Variants in REL observed in about 807,000 individuals in gnomAD.
The protein encoded by REL is REL proto-oncogene, NF-kB subunit.
In REL, 15 loss-of-function variants were observed where a neutral mutation model predicts 45.9. The observed-to-expected ratio is 0.33, with a 90% CI of 0.22 to 0.50. The LOEUF (loss-of-function observed/expected upper bound fraction) is 0.50, where lower values mean the gene tolerates loss of function less well. Among genes scored for constraint, REL ranks in the 20% least tolerant of loss-of-function variants. The probability of loss-of-function intolerance (pLI) is 0.98; values close to 1 mark genes in which losing one functional copy is unlikely to be tolerated. For missense variants in REL, 601 were observed against 715.2 expected, an observed-to-expected ratio of 0.84 and a Z score of 1.82; for synonymous variants, 239 against 242.1, an observed-to-expected ratio of 0.99 and a Z score of 0.12.
chr2:60,931,122 G>A lies in REL; in HGVS notation c.*8587G>A, dbSNP rs1399546750. ...CCATTTGTGGAACTGAATTTAATGA[G>A]ACTTCATTGGTGATACACTCAATTT... On this transcript the variant is annotated 3_prime_UTR_variant, in exon 10 of 10. Transcript: ENST00000394479. The A allele has an allele frequency of 6.6e-6, 1 of 152,264 alleles. No homozygotes were observed. The highest frequency in any genetic ancestry group is 1.5e-5 in the Non-Finnish European group (1 of 68,034). The allele number at this position is 152,264 out of a possible 1,614,324, so 9.4% of individuals were successfully genotyped here. A position where few individuals can be genotyped will look rare whatever the true frequency, so the allele number is the denominator to read the frequency against.
chr2:60,904,401 C>G (rs967438456), intron 4 of REL, among the ~76,000 whole-genome samples: 1 of 138,564 alleles, frequency 7.2e-6, no homozygotes, highest in Non-Finnish European at 1.6e-5. Flanking sequence ...GACTCTGTCT[C>G]AATTAAAAAA....
chr2:60,903,375 A>G (rs1197106705), intron 4 of REL, among the ~76,000 whole-genome samples: 1 of 152,092 alleles, frequency 6.6e-6, no homozygotes, highest in Non-Finnish European at 1.5e-5. Context: ...TCTTTTTCTT[A>G]GTTTTGGCAG....
chr2:60,884,599 A>G (rs1023426768), intron 1 of REL, among the ~76,000 whole-genome samples: 2 of 152,116 alleles, frequency 1.3e-5, no homozygotes, highest in African/African-American at 4.8e-5. Context: ...TAGATATTTT[A>G]TGTCTGAATT....
chr2:60,894,659 A>C, intron 3 of REL, 114 bp downstream of exon 3: 1 of 767,034 alleles, frequency 1.3e-6, no homozygotes, highest in Non-Finnish European at 1.9e-6. Context: ...TTCTACTTCT[A>C]TTTACTGTAT....
intron 4 of REL, among the ~76,000 whole-genome samples, chr2:60,903,365 T>G (rs1436879298): frequency 6.6e-6 from 1 of 152,162 alleles, no homozygotes; most frequent in Non-Finnish European, 1.5e-5. Flanking sequence ...CTGTGGAATT[T>G]CTTTTTCTTA....
intron 1 of REL, among the ~76,000 whole-genome samples, chr2:60,885,660 T>C (rs1466749303): frequency 6.6e-6 from 1 of 152,218 alleles, no homozygotes; most frequent in African/African-American, 2.4e-5. Context: ...AAAAAAATAA[T>C]AGATCTTATT....
intron 1 of REL, among the ~76,000 whole-genome samples, chr2:60,888,318 C>T (rs1673120654): frequency 6.6e-6 from 1 of 152,106 alleles, no homozygotes; most frequent in African/African-American, 2.4e-5. Flanking sequence ...TTAACGATGT[C>T]ATTTTATATC....
chr2:60,892,724 C>G (rs1673247314), intron 2 of REL, among the ~76,000 whole-genome samples: 1 of 151,834 alleles, frequency 6.6e-6, no homozygotes, highest in Admixed American at 6.6e-5. Flanking sequence ...GCCACTGCGT[C>G]CAGCCAAGAT....
intron 4 of REL, among the ~76,000 whole-genome samples, chr2:60,907,983 C>A (rs562105231): frequency 6.6e-6 from 1 of 151,982 alleles, no homozygotes; most frequent in Non-Finnish European, 1.5e-5. Context: ...TGAGCCACCA[C>A]GCCCCGCCTT....
chr2:60,896,495 A>T (rs953354221), intron 3 of REL, among the ~76,000 whole-genome samples: 2 of 152,144 alleles, frequency 1.3e-5, no homozygotes, highest in African/African-American at 4.8e-5. Flanking sequence ...TGTAATGAAC[A>T]TGTATTGGCT....
chr2:60,922,864 T>C lies in REL; in HGVS notation c.*329T>C, dbSNP rs1324567821. 1.0e-5 allele frequency: 3 copies of C among 290,510 alleles called. No individual in the cohort carries two copies. The highest frequency in any genetic ancestry group is 1.1e-5 in the Non-Finnish European group (2 of 188,234). 18.0% of individuals were successfully genotyped at this position (290,510 alleles called of 1,614,324 possible). ...TTCGAGACCAGCCTGGCCAACATGG[T>C]GAAACCCCGTCTCTACTAAAAATAC... On this transcript the variant is annotated 3_prime_UTR_variant, in exon 10 of 10. Transcript: ENST00000394479.
At chr2:60,890,648 A>G (rs919335845) in intron 1 of REL, among the ~76,000 whole-genome samples, 1 of 152,232 alleles carries the variant, frequency 6.6e-6, no homozygotes, top group African/African-American at 2.4e-5. Context: ...TAATAAAAGT[A>G]AAGTTGCATA....
Position 60,928,634 on chromosome 2 carries a change from A to C in REL, c.*6099A>C. 7.8e-6 allele frequency: 1 copy of C among 128,190 alleles called. No individual in the cohort carries two copies. Among genetic ancestry groups the C allele is most frequent in the Non-Finnish European group, 1.7e-5 (1 of 59,832 alleles). The allele number at this position is 128,190 out of a possible 1,614,324, so 7.9% of individuals were successfully genotyped here. A position where few individuals can be genotyped will look rare whatever the true frequency, so the allele number is the denominator to read the frequency against. On this transcript the variant is annotated 3_prime_UTR_variant, in exon 10 of 10. Transcript: ENST00000394479. Reference sequence around the variant, plus strand: ...CTGGCTAGCCATATGTAGAAAGCTGAAACTGGATCCCTTCCTTACACCTTA... The same window carrying C: ...CTGGCTAGCCATATGTAGAAAGCTGCAACTGGATCCCTTCCTTACACCTTA...
At chr2:60,915,859 T>G (rs1178600975) in intron 4 of REL, among the ~76,000 whole-genome samples, 1 of 152,224 alleles carries the variant, frequency 6.6e-6, no homozygotes, top group Non-Finnish European at 1.5e-5. Context: ...AATTTTTAAT[T>G]AAAACATTTT....
Position 60,918,586 on chromosome 2 carries a change from G to A in REL, c.833G>A (p.Arg278Lys), listed in dbSNP as rs766053281. ...DQEVSESMDF[R>K]YLPDEKDTYG... The stretch of plus-strand genomic sequence containing the variant: ...GAAGTTAGTGAATCTATGGATTTTA[G>A]ATATCTGCCAGATGAAAAAGGTATG... The change falls in exon 7 of 10, where the codon AGA (arginine) becomes AAA (lysine). Residue 278 changes from arginine (R) to lysine (K), a missense_variant. Coordinates refer to ENST00000394479, the MANE Select transcript of REL (RefSeq NM_001291746.2). The A allele has an allele frequency of 1.2e-6, 2 of 1,613,132 alleles. No individual in the cohort carries two copies. Among genetic ancestry groups the A allele is most frequent in the Non-Finnish European group, 1.7e-6 (2 of 1,179,148 alleles).
rs1197388454 is a variant in REL, at chr2:60,931,354, G to A, written c.*8819G>A. 6.6e-6 allele frequency: 1 copy of A among 152,296 alleles called. No individual in the cohort carries two copies. The highest frequency in any genetic ancestry group is 2.4e-5 in the African/African-American group (1 of 41,454). 9.4% of individuals were successfully genotyped at this position (152,296 alleles called of 1,614,324 possible). A position where few individuals can be genotyped will look rare whatever the true frequency, so the allele number is the denominator to read the frequency against. ...GCTGTGATGAATGTAGATCCCAGCAGAATACCAAAATCCTATTTTTTTTGA... is the reference window on the plus strand; with the variant it reads ...GCTGTGATGAATGTAGATCCCAGCAAAATACCAAAATCCTATTTTTTTTGA... On this transcript the variant is annotated 3_prime_UTR_variant, in exon 10 of 10. Transcript: ENST00000394479.
rs528603819 is a variant in REL at position 60,881,582 on chromosome 2, C to G, written c.-259C>G. 4.1e-6 allele frequency: 2 copies of G among 489,766 alleles called. No individual in the cohort carries two copies. The highest frequency in any genetic ancestry group is 7.3e-6 in the Non-Finnish European group (2 of 275,248). 30.3% of individuals were successfully genotyped at this position (489,766 alleles called of 1,614,324 possible). A position where few individuals can be genotyped will look rare whatever the true frequency, so the allele number is the denominator to read the frequency against. On this transcript the variant is annotated 5_prime_UTR_variant, in exon 1 of 10. Coordinates refer to ENST00000394479, the MANE Select transcript of REL (RefSeq NM_001291746.2). ...CTCTCGGCTGGGCCAGCACTCGGCT[C>G]TCCCCGCTCCGCCCCCTGCCCCTGG...
At chr2:60,920,250 G>A in intron 8 of REL, 141 bp downstream of exon 8, 2 of 703,160 alleles carry the variant, frequency 2.8e-6, no homozygotes, top group South Asian at 1.9e-5. Flanking sequence ...CACCCAGGCT[G>A]GAGTGCAGTA....
chr2:60,904,784 G>T (rs1253942697), intron 4 of REL, among the ~76,000 whole-genome samples: 1 of 152,082 alleles, frequency 6.6e-6, no homozygotes, highest in Admixed American at 6.6e-5. Flanking sequence ...TAGCTACTCA[G>T]GAGGCCGAGG....
Sources: gnomAD v4.1 joint callset for allele counts (sites outside exome capture counted in the v4.1 genomes callset) on GRCh38, gnomAD v4.1.1 for gene constraint, MANE v1.5 for transcripts, NCBI Gene and HGNC (gene_info 2026-07-23, HGNC 2026-07-21) for gene names.